The following PLCB1 variants were observed in gnomAD, a reference collection of about 807,000 sequenced individuals.
The protein encoded by PLCB1 is phospholipase C beta 1.
Under a neutral mutation model 161.8 loss-of-function variants are expected in PLCB1, and 46 were observed. The observed-to-expected ratio is 0.28, with a 90% confidence interval of 0.22 to 0.36. The LOEUF (loss-of-function observed/expected upper bound fraction) is 0.36, where lower values mean the gene tolerates loss of function less well. Among genes scored for constraint, PLCB1 ranks in the 10% least tolerant of loss-of-function variants. PLCB1 has a pLI of 1.00. For synonymous variants in PLCB1, 517 were observed against 503.7 expected, an observed-to-expected ratio of 1.03 and a Z score of -0.35; for missense variants, 1,016 against 1,472.5, an observed-to-expected ratio of 0.69 and a Z score of 5.07.
intron 3 of PLCB1, among the ~76,000 whole-genome samples, chr20:8,589,920 T>C (rs187168065): frequency 1.4e-4 from 22 of 152,178 alleles, no homozygotes; most frequent in African/African-American, 5.3e-4. Flanking sequence ...CAGCTGGCCC[T>C]TGTGGTCTCT....
chr20:8,665,229 C>A (rs917491897), intron 9 of PLCB1, among the ~76,000 whole-genome samples: 1 of 152,102 alleles, frequency 6.6e-6, no homozygotes, highest in African/African-American at 2.4e-5. Flanking sequence ...TTTGACTAGC[C>A]CTGCTCCCTA....
At chr20:8,361,114 CAAA>C (rs1489229694) in intron 2 of PLCB1, among the ~76,000 whole-genome samples, 1 of 152,158 alleles carries the variant, frequency 6.6e-6, no homozygotes, top group Non-Finnish European at 1.5e-5. Context: ...AGGGCTGAAT[CAAA>C]ACATGTGGAA....
intron 3 of PLCB1, among the ~76,000 whole-genome samples, chr20:8,444,163 A>G (rs1001050581): frequency 3.3e-5 from 5 of 151,980 alleles, no homozygotes; most frequent in African/African-American, 1.2e-4. Flanking sequence ...TACATTAGGT[A>G]TATCCCCTAA....
chr20:8,709,148 G>A (rs1450657847), intron 12 of PLCB1, among the ~76,000 whole-genome samples: 1 of 152,076 alleles, frequency 6.6e-6, no homozygotes, highest in Non-Finnish European at 1.5e-5. Context: ...GCAGGTGGGG[G>A]GAGAGCTGTG....
chr20:8,617,248 A>G (rs1424387118), intron 3 of PLCB1, among the ~76,000 whole-genome samples: 1 of 152,226 alleles, frequency 6.6e-6, no homozygotes, highest in Non-Finnish European at 1.5e-5. Flanking sequence ...TAAATTTGCT[A>G]CAGATTGATA....
chr20:8,761,941 G>C lies in PLCB1; in HGVS notation c.2710+1481G>C, dbSNP rs191612063. 9.6e-3 allele frequency among the ~76,000 whole-genome samples: 1,422 copies of C among 147,858 alleles called. 11 individuals carry two copies. The highest frequency in any genetic ancestry group is 0.015 in the Non-Finnish European group (983 of 66,948). On this transcript the variant is annotated intron_variant, in intron 25 of 31. Coordinates refer to ENST00000338037, the MANE Select transcript of PLCB1 (RefSeq NM_015192.4). Reference sequence around the variant, plus strand: ...ATTTAGTTCTAGGCTGGGTGTGGTGGCTCACGCCTGTAATCCCAGTACCTG... The same window carrying C: ...ATTTAGTTCTAGGCTGGGTGTGGTGCCTCACGCCTGTAATCCCAGTACCTG...
intron 3 of PLCB1, among the ~76,000 whole-genome samples, chr20:8,560,282 C>CG (rs1412706559): frequency 2.0e-5 from 3 of 151,972 alleles, no homozygotes; most frequent in Non-Finnish European, 2.9e-5. Context: ...TGTACATTGA[C>CG]ATCACCTGTG....
At position 8,685,058 on chromosome 20, in the gene PLCB1, C is replaced by T; in HGVS notation, c.989C>T (p.Ser330Leu). 6.2e-7 allele frequency: 1 copy of T among 1,613,930 alleles called. No homozygotes were observed. Among genetic ancestry groups the T allele is most frequent in the Non-Finnish European group, 8.5e-7 (1 of 1,179,854 alleles). ...QPLSHYFINSSHNTYLTAGQL... is the reference protein window; with the variant it reads ...QPLSHYFINSLHNTYLTAGQL... Reference sequence around the variant, plus strand: ...CTTTCTCACTATTTCATTAATTCCTCGCACAACACCTACCTCACAGGTATG... The same window carrying T: ...CTTTCTCACTATTTCATTAATTCCTTGCACAACACCTACCTCACAGGTATG... The change falls in exon 10 of 32, where the codon TCG becomes TTG. Residue 330 changes from serine (S) to leucine (L), a missense_variant. Coordinates refer to ENST00000338037, the MANE Select transcript of PLCB1 (RefSeq NM_015192.4).
intron 27 of PLCB1, among the ~76,000 whole-genome samples, chr20:8,778,123 C>G (rs562851838): frequency 6.6e-6 from 1 of 152,176 alleles, no homozygotes; most frequent in South Asian, 2.1e-4. Context: ...GGGCCCCAAC[C>G]CTTGGGCAAG....
intron 12 of PLCB1, among the ~76,000 whole-genome samples, chr20:8,709,482 C>G (rs1432340285): frequency 1.3e-5 from 2 of 152,112 alleles, no homozygotes; most frequent in Non-Finnish European, 2.9e-5. Context: ...GGAACCTAAG[C>G]CAGATTTTTC....
chr20:8,463,287 C>G (rs1981671779), intron 3 of PLCB1, among the ~76,000 whole-genome samples: 1 of 151,812 alleles, frequency 6.6e-6, no homozygotes, highest in Non-Finnish European at 1.5e-5. Context: ...ATAAAATAAG[C>G]AGCTTTCCCT....
At chr20:8,810,597 T>C (rs928719889) in intron 31 of PLCB1, among the ~76,000 whole-genome samples, 2 of 152,170 alleles carry the variant, frequency 1.3e-5, no homozygotes, top group African/African-American at 4.8e-5. Flanking sequence ...TAAGAATGGA[T>C]GAAATCCTTG....
intron 12 of PLCB1, among the ~76,000 whole-genome samples, chr20:8,713,898 GAC>G (rs1979155896): frequency 2.0e-5 from 3 of 152,072 alleles, no homozygotes; most frequent in Admixed American, 6.5e-5. Flanking sequence ...GGGACTTCCT[GAC>G]AGAGGACACC....
chr20:8,299,031 A>G (rs997519111), intron 2 of PLCB1, among the ~76,000 whole-genome samples: 1 of 152,148 alleles, frequency 6.6e-6, no homozygotes, highest in African/African-American at 2.4e-5. Flanking sequence ...AGATTCATTC[A>G]TTCATTTATT....
At chr20:8,133,148 C>G (rs1227274653) in intron 1 of PLCB1, among the ~76,000 whole-genome samples, 1 of 152,138 alleles carries the variant, frequency 6.6e-6, no homozygotes, top group East Asian at 1.9e-4. Flanking sequence ...GGACGCACCC[C>G]CTATTACCTC....
intron 1 of PLCB1, among the ~76,000 whole-genome samples, chr20:8,141,691 C>T (rs558180299): frequency 3.3e-5 from 5 of 151,144 alleles, no homozygotes; most frequent in Admixed American, 1.3e-4. Context: ...CTACATCAGT[C>T]AGTCAGCGTG....
intron 7 of PLCB1, 183 bp downstream of exon 7, chr20:8,649,632 A>C: frequency 1.7e-6 from 1 of 573,836 alleles, no homozygotes; most frequent in Non-Finnish European, 3.1e-6. Context: ...GCTTTATAAG[A>C]AGAGAAAAAC....
rs112081951 is a variant in PLCB1, at chr20:8,793,747, T to C, written c.3423+3486T>C. 2.8e-3 allele frequency among the ~76,000 whole-genome samples: 421 copies of C among 152,280 alleles called. 2 individuals carry two copies. Among genetic ancestry groups the C allele is most frequent in the African/African-American group, 9.5e-3 (394 of 41,554 alleles). Reference sequence around the variant, plus strand: ...ATTGCTAATGAAGTTTTGGGCACCATTGTCATTGATAACATCTTATCAGTA... The same window carrying C: ...ATTGCTAATGAAGTTTTGGGCACCACTGTCATTGATAACATCTTATCAGTA... On this transcript the variant is annotated intron_variant, in intron 31 of 31. Coordinates refer to ENST00000338037, the MANE Select transcript of PLCB1 (RefSeq NM_015192.4).
At chr20:8,481,303 A>G (rs770881015) in intron 3 of PLCB1, among the ~76,000 whole-genome samples, 14 of 152,214 alleles carry the variant, frequency 9.2e-5, no homozygotes, top group Non-Finnish European at 1.8e-4. Flanking sequence ...GAGCAAAACT[A>G]GTACTAGTTA....
Sources: allele counts gnomAD v4.1 joint callset (sites outside exome capture counted in the v4.1 genomes callset), GRCh38; gene constraint gnomAD v4.1.1; transcripts MANE v1.5; gene names NCBI Gene and HGNC (gene_info 2026-07-23, HGNC 2026-07-21).